OTOF: variants seen among roughly 807,000 people sequenced by gnomAD.
OTOF encodes the protein fer-1-like family member 2.
In OTOF, 218 loss-of-function variants were observed where a neutral mutation model predicts 236.8. That is an observed-to-expected ratio of 0.92 (90% CI 0.82 to 1.03). The LOEUF (loss-of-function observed/expected upper bound fraction) is 1.03, where lower values mean the gene tolerates loss of function less well. Ranked by LOEUF, OTOF falls within the 50% of genes least tolerant of loss-of-function variation. The probability of loss-of-function intolerance (pLI) is 0.00; values close to 1 mark genes in which losing one functional copy is unlikely to be tolerated. For synonymous variants in OTOF, 1,041 were observed against 1,072.5 expected, an observed-to-expected ratio of 0.97 and a Z score of 0.57; for missense variants, 2,590 against 2,694.4, an observed-to-expected ratio of 0.96 and a Z score of 0.86.
At chr2:26,548,678 C>G (rs950488258) in intron 1 of OTOF, among the ~76,000 whole-genome samples, 1 of 152,218 alleles carries the variant, frequency 6.6e-6, no homozygotes, top group Non-Finnish European at 1.5e-5. Context: ...TACACAAATA[C>G]TTACCATTGT....
intron 26 of OTOF, 136 bp downstream of exon 26, chr2:26,474,377 C>T: frequency 1.4e-6 from 1 of 720,768 alleles, no homozygotes; most frequent in Non-Finnish European, 2.2e-6. Context: ...GCCCCAGGCC[C>T]CAGCCTCCAG....
At position 26,466,734 on chromosome 2, in the gene OTOF, C is replaced by G. The variant is rs1356976299; in HGVS notation, c.4480G>C (p.Val1494Leu). ...IPSNDPINVL[V>L]RVYVVRATDL... The stretch of plus-strand genomic sequence containing the variant: ...CTCACCCGGACCACATAGACTCGGA[C>G]CAGCACATTGATGGGGTCATTGCTC... The change falls in exon 36 of 47, where the codon GTC (valine) becomes CTC (leucine). Residue 1494 changes from valine to leucine, a missense_variant. Coordinates refer to ENST00000272371, the MANE Select transcript of OTOF (RefSeq NM_194248.3). 1 of 1,614,106 alleles carries G rather than the reference C, an allele frequency of 6.2e-7. No homozygotes were observed. The highest frequency in any genetic ancestry group is 8.5e-7 in the Non-Finnish European group (1 of 1,180,056).
At chr2:26,506,731 G>A (rs754767192) in intron 5 of OTOF, among the ~76,000 whole-genome samples, 20 of 152,244 alleles carry the variant, frequency 1.3e-4, no homozygotes, top group Non-Finnish European at 1.2e-4. Context: ...CCGGTGCGGT[G>A]ACTCACACCT....
intron 3 of OTOF, among the ~76,000 whole-genome samples, chr2:26,522,247 T>C (rs1313792280): frequency 6.6e-6 from 1 of 152,250 alleles, no homozygotes; most frequent in Non-Finnish European, 1.5e-5. Flanking sequence ...GGACAATTGA[T>C]ATTATCTCAG....
intron 11 of OTOF, 150 bp downstream of exon 11, chr2:26,489,061 C>T (rs537569016): frequency 2.8e-4 from 198 of 706,768 alleles, no homozygotes; most frequent in Non-Finnish European, 4.1e-4. Flanking sequence ...GCCACTTCTC[C>T]GCAGGCCAGA....
chr2:26,544,611 A>C, intron 1 of OTOF, among the ~76,000 whole-genome samples: 1 of 152,188 alleles, frequency 6.6e-6, no homozygotes, highest in Admixed American at 6.5e-5. Flanking sequence ...GGGTGCTTCT[A>C]GGGTTGGGCT....
At chr2:26,486,307 C>T (rs1386684710) in intron 11 of OTOF, among the ~76,000 whole-genome samples, 11 of 12,748 alleles carry the variant, frequency 8.6e-4, no homozygotes, top group Non-Finnish European at 1.4e-3. Flanking sequence ...TGTAGACAGG[C>T]GGGTGGGTGG....
intron 2 of OTOF, among the ~76,000 whole-genome samples, chr2:26,530,604 G>T (rs1009041722): frequency 6.6e-6 from 1 of 151,968 alleles, no homozygotes; most frequent in African/African-American, 2.4e-5. Context: ...TCTCCCTCCC[G>T]CATTTTCCAC....
chr2:26,464,802 T>A, intron 39 of OTOF, 67 bp downstream of exon 39: 1 of 1,480,970 alleles, frequency 6.8e-7, no homozygotes, highest in Non-Finnish European at 9.2e-7. Flanking sequence ...CAGGGAAGTG[T>A]GGGCCCCTCC....
chr2:26,464,067 G>A lies in OTOF; in HGVS notation c.5000C>T (p.Ala1667Val). Residue 1667 changes from alanine (A) to valine (V), a missense_variant, in exon 40 of 47, where the codon GCC (alanine) becomes GTC (valine). Transcript: ENST00000272371. ...GGGGATGTCCTCCCAGTGCCTCAGG[G>A]CCAACAGCGCCACATGCTCGTCTGT... The part of the protein sequence containing the change: ...KPTDEHVALL[A>V]LRHWEDIPRA... 2 of 1,613,626 alleles carry A rather than the reference G, an allele frequency of 1.2e-6. No homozygotes were observed. The highest frequency in any genetic ancestry group is 1.7e-4 in the Middle Eastern group (1 of 6,060).
chr2:26,519,295 G>T (rs1020624199), intron 3 of OTOF, among the ~76,000 whole-genome samples, 186 bp from the exon 4 acceptor site: 4 of 152,192 alleles, frequency 2.6e-5, no homozygotes, highest in African/African-American at 7.2e-5. Context: ...GTCCCACTGT[G>T]GATGGTTGTT....
intron 3 of OTOF, among the ~76,000 whole-genome samples, chr2:26,523,244 T>A (rs1666723231): frequency 1.3e-5 from 2 of 152,200 alleles, no homozygotes; most frequent in Admixed American, 1.3e-4. Flanking sequence ...AACCGAACAT[T>A]TCTTTCTCAT....
intron 8 of OTOF, among the ~76,000 whole-genome samples, chr2:26,495,526 A>G (rs1665961069): frequency 6.6e-6 from 1 of 151,922 alleles, no homozygotes; most frequent in Non-Finnish European, 1.5e-5. Flanking sequence ...CCTGGGTTCA[A>G]GTGATTCTTC....
chr2:26,518,889 C>T (rs900716945), intron 4 of OTOF, 121 bp downstream of exon 4: 14 of 757,754 alleles, frequency 1.8e-5, no homozygotes, highest in Middle Eastern at 2.2e-4. Context: ...TCTCCTCCTC[C>T]TGCGACACCT....
intron 5 of OTOF, among the ~76,000 whole-genome samples, chr2:26,504,496 T>G (rs919894216): frequency 6.6e-6 from 1 of 152,192 alleles, no homozygotes; most frequent in African/African-American, 2.4e-5. Context: ...CCATCTATCT[T>G]CGGTCCTGGA....
chr2:26,470,987 T>C lies in OTOF; in HGVS notation c.3894+134A>G. 1 of 1,219,490 alleles carries C rather than the reference T, an allele frequency of 8.2e-7. No homozygotes were observed. Among genetic ancestry groups the C allele is most frequent in the Non-Finnish European group, 1.2e-6 (1 of 827,288 alleles). The allele number at this position is 1,219,490 out of a possible 1,614,324, so 75.5% of individuals were successfully genotyped here. Reference sequence around the variant, plus strand: ...CACCCAGCTCTTTTCCACTGCATCTTAGGGGAGGTGTGCTGGCCCAAGCAT... The same window carrying C: ...CACCCAGCTCTTTTCCACTGCATCTCAGGGGAGGTGTGCTGGCCCAAGCAT... On this transcript the variant is annotated intron_variant, in intron 31 of 46. Transcript: ENST00000272371. The surrounding 1 kb of genome is among the most constrained non-coding windows in gnomAD (Gnocchi z 4.3).
At position 26,489,704 on chromosome 2, in the gene OTOF, T is replaced by C. The variant is rs777788625; in HGVS notation, c.934A>G (p.Met312Val). 2 of 1,612,902 alleles carry C rather than the reference T, an allele frequency of 1.2e-6. No homozygotes were observed. The highest frequency in any genetic ancestry group is 1.1e-5 in the South Asian group (1 of 91,090). ...VFDFHVSPDV[M>V]FDKIIKISVI... ...GAAATCTTGATGATCTTGTCAAACATGACATCCGGAGAGACATGGAAGTCG... is the reference window on the plus strand; with the variant it reads ...GAAATCTTGATGATCTTGTCAAACACGACATCCGGAGAGACATGGAAGTCG... Residue 312 changes from methionine to valine, a missense_variant, in exon 10 of 47, where the codon ATG becomes GTG. Coordinates refer to ENST00000272371, the MANE Select transcript of OTOF (RefSeq NM_194248.3).
chr2:26,500,009 T>C (rs1429589026), intron 8 of OTOF, among the ~76,000 whole-genome samples: 7 of 152,194 alleles, frequency 4.6e-5, no homozygotes, highest in Non-Finnish European at 4.4e-5. Flanking sequence ...TAAAAGTCTC[T>C]GGTAGGAGGC....
chr2:26,483,328 C>G, intron 13 of OTOF, 134 bp downstream of exon 13: 3 of 836,526 alleles, frequency 3.6e-6, no homozygotes, highest in Non-Finnish European at 6.1e-6. Context: ...TGAGGATCCT[C>G]TAAGTCCGTC....
Sources: allele counts gnomAD v4.1 joint callset (sites outside exome capture counted in the v4.1 genomes callset), GRCh38; gene constraint gnomAD v4.1.1; non-coding constraint Gnocchi (gnomAD v3.1); transcripts MANE v1.5; gene names NCBI Gene and HGNC (gene_info 2026-07-23, HGNC 2026-07-21).